The following BLOC1S2 variants were observed in gnomAD, a reference collection of about 807,000 sequenced individuals.
BLOC1S2 encodes biogenesis of lysosomal organelles complex 1 subunit 2.
In BLOC1S2, 12 loss-of-function variants were observed where a neutral mutation model predicts 19.6. The observed-to-expected ratio is 0.61, with a 90% CI of 0.39 to 0.99. The LOEUF is 0.99. Among genes scored for constraint, BLOC1S2 ranks in the 50% least tolerant of loss-of-function variants. BLOC1S2 has a pLI of 0.00. For missense variants in BLOC1S2, 142 were observed against 171.0 expected, an observed-to-expected ratio of 0.83 and a Z score of 0.95; for synonymous variants, 66 against 64.1, an observed-to-expected ratio of 1.03 and a Z score of -0.14.
chr10:100,279,812 C>T (rs564510018), intron 4 of BLOC1S2, among the ~76,000 whole-genome samples: 1 of 151,838 alleles, frequency 6.6e-6, no homozygotes, highest in Admixed American at 6.6e-5. Flanking sequence ...ACCCAGGAGG[C>T]GGAGGTTGCG....
intron 4 of BLOC1S2, among the ~76,000 whole-genome samples, chr10:100,276,890 A>G (rs1450283439): frequency 1.3e-5 from 2 of 152,044 alleles, no homozygotes; most frequent in African/African-American, 2.4e-5. Context: ...GGCCCCCCCA[A>G]AGTGCGGAGA....
In BLOC1S2 at chr10:100,276,322, C is replaced by A. The variant is rs1370604957; in HGVS notation, c.398-829G>T. Among the ~76,000 whole-genome samples the A allele has an allele frequency of 2.1e-5, 2 of 93,076 alleles. 1 individual carries two copies. Among genetic ancestry groups the A allele is most frequent in the African/African-American group, 7.8e-5 (2 of 25,604 alleles). 61.1% of individuals were successfully genotyped at this position (93,076 alleles called of 152,430 possible). On this transcript the variant is annotated intron_variant, in intron 4 of 4. Coordinates refer to ENST00000370372, the MANE Select transcript of BLOC1S2 (RefSeq NM_173809.5). ...CCTCTCCATCTCCCTCTCCCGTCTC[C>A]CTCTCTCTCTCCCGTCTCCCTCTCC...
chr10:100,279,503 G>A (rs1486605770), intron 4 of BLOC1S2, among the ~76,000 whole-genome samples: 1 of 152,134 alleles, frequency 6.6e-6, no homozygotes, highest in Admixed American at 6.5e-5. Context: ...GGGAGGCTGA[G>A]GCGGGCGGAT....
chr10:100,279,068 C>T (rs1848029558), intron 4 of BLOC1S2, among the ~76,000 whole-genome samples: 1 of 151,322 alleles, frequency 6.6e-6, no homozygotes, highest in African/African-American at 2.4e-5. Flanking sequence ...GCCTGGGTGA[C>T]ACAGCAAGAC....
intron 2 of BLOC1S2, among the ~76,000 whole-genome samples, chr10:100,283,714 T>TAA (rs1215323211): frequency 1.3e-4 from 19 of 151,572 alleles, no homozygotes; most frequent in African/African-American, 4.4e-4. Flanking sequence ...CTACTAAAAA[T>TAA]AAAAATAAAA....
At chr10:100,282,041 A>C (rs1057335857) in intron 2 of BLOC1S2, among the ~76,000 whole-genome samples, 5 of 152,064 alleles carry the variant, frequency 3.3e-5, no homozygotes, top group African/African-American at 1.2e-4. Flanking sequence ...AAGTGTTCCT[A>C]TTCTTGCCAA....
chr10:100,284,593 C>T (rs748078670), intron 2 of BLOC1S2, among the ~76,000 whole-genome samples: 1 of 152,120 alleles, frequency 6.6e-6, no homozygotes, highest in African/African-American at 2.4e-5. Flanking sequence ...TCAGGTCAAG[C>T]GATTCTCCCG....
intron 2 of BLOC1S2, among the ~76,000 whole-genome samples, chr10:100,281,894 C>G (rs1848120354): frequency 6.6e-6 from 1 of 152,098 alleles, no homozygotes; most frequent in African/African-American, 2.4e-5. Flanking sequence ...CAAATGGTCT[C>G]TACTCCAATT....
chr10:100,274,193 G>A lies in BLOC1S2; in HGVS notation c.*1269C>T, dbSNP rs947663391. On this transcript the variant is annotated 3_prime_UTR_variant, in exon 5 of 5. Transcript: ENST00000370372. ...GATCAGTTGAGCCTAGGAGGTCAAGGTGAGCTATTATCACACCACCACACT... is the reference window on the plus strand; with the variant it reads ...GATCAGTTGAGCCTAGGAGGTCAAGATGAGCTATTATCACACCACCACACT... The A allele has an allele frequency of 2.0e-5, 3 of 152,138 alleles. No individual in the cohort carries two copies. Among genetic ancestry groups the A allele is most frequent in the African/African-American group, 7.2e-5 (3 of 41,410 alleles). 9.4% of individuals were successfully genotyped at this position (152,138 alleles called of 1,614,324 possible). A position where few individuals can be genotyped will look rare whatever the true frequency, so the allele number is the denominator to read the frequency against.
intron 4 of BLOC1S2, among the ~76,000 whole-genome samples, chr10:100,277,910 C>T (rs1316564339): frequency 8.5e-5 from 9 of 106,494 alleles, no homozygotes; most frequent in East Asian, 2.9e-4. Flanking sequence ...CCTGGCCAGC[C>T]GCCCCGTCCG....
At chr10:100,286,027 T>G (rs1046594573) in intron 2 of BLOC1S2, 70 bp downstream of exon 2, 19 of 1,577,824 alleles carry the variant, frequency 1.2e-5, no homozygotes, top group Non-Finnish European at 1.6e-5. Context: ...AGCTGCAGAC[T>G]GATGCTGCTA....
intron 4 of BLOC1S2, among the ~76,000 whole-genome samples, chr10:100,278,446 AAAG>A (rs548917784): frequency 2.5e-3 from 376 of 152,322 alleles, no homozygotes; most frequent in East Asian, 7.5e-3. Flanking sequence ...GTCTGTGTAG[AAAG>A]AAGTAGACAT....
Position 100,286,617 on chromosome 10 carries a change from C to T in BLOC1S2, c.43G>A (p.Glu15Lys), listed in dbSNP as rs999416610. Residue 15 changes from glutamate to lysine, a missense_variant, in exon 1 of 5, where the codon GAG becomes AAG. Physicochemically the swap from Glu to Lys is moderately conservative, Grantham distance 56. Transcript: ENST00000370372. ...AEGVLATRSD[E>K]PARDDAAVET... Reference sequence around the variant, plus strand: ...CCATTCCGGGTACCTCGGGCGGGCTCATCACTCCGGGTCGCCAGTACGCCC... The same window carrying T: ...CCATTCCGGGTACCTCGGGCGGGCTTATCACTCCGGGTCGCCAGTACGCCC... 1 of 1,612,698 alleles carries T rather than the reference C, an allele frequency of 6.2e-7. No homozygotes were observed. The highest frequency in any genetic ancestry group is 8.5e-7 in the Non-Finnish European group (1 of 1,179,380).
Position 100,280,973 on chromosome 10 carries a change from T to C in BLOC1S2, c.253A>G (p.Ile85Val), listed in dbSNP as rs1848087838. 3 of 1,613,668 alleles carry C rather than the reference T, an allele frequency of 1.9e-6. No individual in the cohort carries two copies. The highest frequency in any genetic ancestry group is 4.5e-5 in the East Asian group (2 of 44,856). ...LKYLEMKDIA[I>V]NISRNLKDLN... ...TCCTTTAAGTTCCTACTAATGTTTA[T>C]AGCAATATCTTTCATTTCAAGATAC... Residue 85 changes from isoleucine to valine, a missense_variant, in exon 3 of 5, where the codon ATA becomes GTA. Physicochemically the swap from Ile to Val is conservative, Grantham distance 29. Transcript: ENST00000370372.
chr10:100,273,811 A>C lies in BLOC1S2; in HGVS notation c.*1651T>G, dbSNP rs1847783200. 6.7e-6 allele frequency: 1 copy of C among 150,074 alleles called. No individual in the cohort carries two copies. Among genetic ancestry groups the C allele is most frequent in the African/African-American group, 2.5e-5 (1 of 40,414 alleles). The allele number at this position is 150,074 out of a possible 1,614,324, so 9.3% of individuals were successfully genotyped here. ...AGATCGCACCACTGCACTCCAGCCCAGGCGACAGAGCAAGACTTCATCTCA... is the reference window on the plus strand; with the variant it reads ...AGATCGCACCACTGCACTCCAGCCCCGGCGACAGAGCAAGACTTCATCTCA... On this transcript the variant is annotated 3_prime_UTR_variant, in exon 5 of 5. Coordinates refer to ENST00000370372, the MANE Select transcript of BLOC1S2 (RefSeq NM_173809.5).
At chr10:100,281,657 T>TG (rs1289849256) in intron 2 of BLOC1S2, among the ~76,000 whole-genome samples, 2 of 146,554 alleles carry the variant, frequency 1.4e-5, no homozygotes, top group African/African-American at 5.1e-5. Context: ...CATTCCAGCC[T>TG]GGGTGACAGA....
rs1014472638 is a variant in BLOC1S2 at position 100,274,862 on chromosome 10, G to A, written c.*600C>T. ...TAAACAAGAGGGGCCCATCACATAC[G>A]CCAAGTTATCAATACTCCTTTCACC... On this transcript the variant is annotated 3_prime_UTR_variant, in exon 5 of 5. Transcript: ENST00000370372. The A allele has an allele frequency of 4.5e-5, 18 of 397,502 alleles. No homozygotes were observed. The Admixed American group carries it at 4.8e-4, about 11-fold the overall frequency. The allele number at this position is 397,502 out of a possible 1,614,324, so 24.6% of individuals were successfully genotyped here.
At chr10:100,285,992 C>T in intron 2 of BLOC1S2, 105 bp downstream of exon 2, 1 of 1,475,590 alleles carries the variant, frequency 6.8e-7, no homozygotes, top group East Asian at 2.3e-5. Context: ...ACAGGCCTGT[C>T]TCAGGGCATG....
At chr10:100,279,277 T>C (rs901154853) in intron 4 of BLOC1S2, among the ~76,000 whole-genome samples, 1 of 152,224 alleles carries the variant, frequency 6.6e-6, no homozygotes, top group Non-Finnish European at 1.5e-5. Context: ...TTTATCTACA[T>C]TATTAAAGGT....
Sources: allele counts gnomAD v4.1 joint callset (sites outside exome capture counted in the v4.1 genomes callset), GRCh38; gene constraint gnomAD v4.1.1; transcripts MANE v1.5; gene names NCBI Gene and HGNC (gene_info 2026-07-23, HGNC 2026-07-21).